RAB27B: variants seen among roughly 807,000 people sequenced by gnomAD.
RAB27B encodes ras-related protein Rab-27B.
RAB27B carries 15 observed loss-of-function variants against 24.6 expected under a neutral mutation model. The observed-to-expected ratio is 0.61, with a 90% CI of 0.41 to 0.94. The LOEUF (loss-of-function observed/expected upper bound fraction) is 0.94. Among genes scored for constraint, RAB27B ranks in the 40% least tolerant of loss-of-function variants. The probability of loss-of-function intolerance (pLI) is 0.00; values close to 1 mark genes in which losing one functional copy is unlikely to be tolerated. For synonymous variants in RAB27B, 105 were observed against 92.5 expected (o/e 1.14, Z -0.78); for missense variants, 261 against 266.8 (o/e 0.98, Z 0.15).
In RAB27B at chr18:54,889,612, C is replaced by T; in HGVS notation, c.*199C>T. On this transcript the variant is annotated 3_prime_UTR_variant, in exon 6 of 6. Coordinates refer to ENST00000262094, the MANE Select transcript of RAB27B (RefSeq NM_004163.4). ...TAGTTATCCCTGAGGCCCTTTCAAA[C>T]ATGATCAAAGATTTCCCAATGTGAT... The T allele has an allele frequency of 2.1e-6, 1 of 482,164 alleles. No individual in the cohort carries two copies. The highest frequency in any genetic ancestry group is 3.6e-6 in the Non-Finnish European group (1 of 280,640). The allele number at this position is 482,164 out of a possible 1,614,324, so 29.9% of individuals were successfully genotyped here.
At chr18:54,719,854 A>G (rs1191603820) in intron 2 of RAB27B, among the ~76,000 whole-genome samples, 2 of 152,068 alleles carry the variant, frequency 1.3e-5, no homozygotes, top group Admixed American at 1.3e-4. Context: ...ATTCCTACCC[A>G]TCATATAATG....
At chr18:54,736,027 T>C (rs1469051942) in intron 2 of RAB27B, among the ~76,000 whole-genome samples, 1 of 152,160 alleles carries the variant, frequency 6.6e-6, no homozygotes, top group Non-Finnish European at 1.5e-5. Context: ...TGTATAATAT[T>C]ACCAAAATAT....
chr18:54,866,431 G>C (rs1457022680), intron 1 of RAB27B, among the ~76,000 whole-genome samples: 1 of 152,220 alleles, frequency 6.6e-6, no homozygotes, highest in East Asian at 1.9e-4. Flanking sequence ...TAGTAGCTGG[G>C]ATTACAGGCA....
rs926625918 is a variant in RAB27B at position 54,894,507 on chromosome 18, G to A, written c.*5094G>A. The A allele has an allele frequency of 6.6e-6, 1 of 152,016 alleles. No homozygotes were observed. Among genetic ancestry groups the A allele is most frequent in the Non-Finnish European group, 1.5e-5 (1 of 67,952 alleles). The allele number at this position is 152,016 out of a possible 1,614,324, so 9.4% of individuals were successfully genotyped here. The stretch of plus-strand genomic sequence containing the variant: ...TGTTCCTAGAAAAGTAATAACATAT[G>A]CTTATCTTTATTCTTTTTCCAGGTG... On this transcript the variant is annotated 3_prime_UTR_variant, in exon 6 of 6. Coordinates refer to ENST00000262094, the MANE Select transcript of RAB27B (RefSeq NM_004163.4).
intron 1 of RAB27B, among the ~76,000 whole-genome samples, chr18:54,871,622 G>A (rs554367631): frequency 2.1e-4 from 32 of 152,096 alleles, no homozygotes; most frequent in African/African-American, 6.0e-4. Flanking sequence ...TTGCTGAGGC[G>A]GGAGGATCAC....
chr18:54,771,328 CT>C (rs1908541087), intron 2 of RAB27B, among the ~76,000 whole-genome samples: 1 of 152,016 alleles, frequency 6.6e-6, no homozygotes, highest in South Asian at 2.1e-4. Context: ...TGTAACAGAA[CT>C]TGTGTGGAAG....
intron 1 of RAB27B, among the ~76,000 whole-genome samples, chr18:54,862,106 A>G (rs576322072): frequency 1.3e-5 from 2 of 152,328 alleles, no homozygotes; most frequent in East Asian, 3.9e-4. Flanking sequence ...GTCATGCACC[A>G]ACTTAAGAAG....
intron 2 of RAB27B, among the ~76,000 whole-genome samples, chr18:54,812,591 ACACT>A (rs1910000517): frequency 6.8e-6 from 1 of 146,318 alleles, no homozygotes. Context: ...ACACACACAC[ACACT>A]CTTATGAATA....
At chr18:54,878,402 C>T (rs1296433057) in intron 2 of RAB27B, among the ~76,000 whole-genome samples, 2 of 152,180 alleles carry the variant, frequency 1.3e-5, no homozygotes, top group Non-Finnish European at 2.9e-5. Context: ...CCTGGGTATT[C>T]TTGATTGCCA....
intron 2 of RAB27B, among the ~76,000 whole-genome samples, chr18:54,776,422 C>A (rs929756354): frequency 6.6e-6 from 1 of 152,130 alleles, no homozygotes; most frequent in African/African-American, 2.4e-5. Context: ...TAAAGCCCAA[C>A]TGGCTGGGGG....
At chr18:54,882,971 T>C (rs1409436647) in intron 3 of RAB27B, among the ~76,000 whole-genome samples, 1 of 151,892 alleles carries the variant, frequency 6.6e-6, no homozygotes, top group Non-Finnish European at 1.5e-5. Flanking sequence ...GTTGTCCAGG[T>C]GAGAGAGAAT....
intron 2 of RAB27B, among the ~76,000 whole-genome samples, chr18:54,723,223 A>AATG (rs1909417099): frequency 6.6e-6 from 1 of 152,326 alleles, no homozygotes; most frequent in African/African-American, 2.4e-5. Flanking sequence ...AGTAAAACTC[A>AATG]AGTTTATGAG....
intron 2 of RAB27B, among the ~76,000 whole-genome samples, chr18:54,724,288 T>C (rs1429325198): frequency 2.0e-5 from 3 of 151,646 alleles, no homozygotes; most frequent in Non-Finnish European, 4.4e-5. Context: ...GTTTGAATTC[T>C]CAGTAAACTC....
Position 54,866,299 on chromosome 18 carries a change from C to T in RAB27B, c.-19-11268C>T, listed in dbSNP as rs558788549. Among the ~76,000 whole-genome samples, 114 of 151,940 alleles carry T rather than the reference C, an allele frequency of 7.5e-4. No homozygotes were observed. In the South Asian group the frequency reaches 0.017, roughly 23 times the overall value. Reference sequence around the variant, plus strand: ...TCCCCGCCTCCCCGCCCCTGCCCCCCGCGCCCTGCGCTCCAATATGGGGTC... The same window carrying T: ...TCCCCGCCTCCCCGCCCCTGCCCCCTGCGCCCTGCGCTCCAATATGGGGTC... On this transcript the variant is annotated intron_variant, in intron 1 of 5. Coordinates refer to ENST00000262094, the MANE Select transcript of RAB27B (RefSeq NM_004163.4).
At chr18:54,737,734 T>G (rs9956374) in intron 2 of RAB27B, among the ~76,000 whole-genome samples, 9,854 of 152,248 alleles carry the variant, frequency 0.065, 412 homozygotes, top group African/African-American at 0.095. Context: ...TAAATGACTT[T>G]TTCTCTTAAA....
At chr18:54,797,280 C>A (rs146140463) in intron 2 of RAB27B, among the ~76,000 whole-genome samples, 1 of 152,208 alleles carries the variant, frequency 6.6e-6, no homozygotes. Flanking sequence ...TCTTCTAGCA[C>A]TTTGTGAGGC....
At chr18:54,872,392 G>A (rs556582374) in intron 1 of RAB27B, among the ~76,000 whole-genome samples, 19 of 152,186 alleles carry the variant, frequency 1.2e-4, no homozygotes, top group Non-Finnish European at 2.2e-4. Flanking sequence ...TTGGGAGGCC[G>A]AGGCGGGCGG....
chr18:54,845,014 G>A (rs915209180), intron 1 of RAB27B, among the ~76,000 whole-genome samples: 18 of 152,014 alleles, frequency 1.2e-4, no homozygotes, highest in African/African-American at 3.4e-4. Flanking sequence ...TAACAATTTG[G>A]CCAAAGCTTC....
At chr18:54,812,850 A>G (rs1420979956) in intron 2 of RAB27B, among the ~76,000 whole-genome samples, 2 of 152,264 alleles carry the variant, frequency 1.3e-5, no homozygotes, top group Non-Finnish European at 2.9e-5. Flanking sequence ...CACAATATCT[A>G]TACCAAATAG....
Sources: gnomAD v4.1 joint callset for allele counts (sites outside exome capture counted in the v4.1 genomes callset) on GRCh38, gnomAD v4.1.1 for gene constraint, MANE v1.5 for transcripts, NCBI Gene and HGNC (gene_info 2026-07-23, HGNC 2026-07-21) for gene names.